Variants in RBMS1 observed in about 807,000 individuals in gnomAD.
The protein encoded by RBMS1 is RNA-binding motif, single-stranded-interacting protein 1.
RBMS1 carries 17 observed loss-of-function variants against 62.3 expected under a neutral mutation model. The observed-to-expected ratio is 0.27, with a 90% CI of 0.19 to 0.41. The LOEUF is 0.41. Among genes scored for constraint, RBMS1 ranks in the 10% least tolerant of loss-of-function variants. The pLI is 1.00. For synonymous variants in RBMS1, 172 were observed against 170.0 expected (o/e 1.01, Z -0.09); for missense variants, 334 against 504.5 (o/e 0.66, Z 3.24).
At chr2:160,304,330 G>A in intron 4 of RBMS1, among the ~76,000 whole-genome samples, 1 of 152,128 alleles carries the variant, frequency 6.6e-6, no homozygotes, top group Non-Finnish European at 1.5e-5. Context: ...GCTGCAAAAT[G>A]TTCTTGAAGT....
At chr2:160,374,790 T>G (rs1693906164) in intron 1 of RBMS1, among the ~76,000 whole-genome samples, 1 of 151,510 alleles carries the variant, frequency 6.6e-6, no homozygotes, top group South Asian at 2.1e-4. Context: ...ATTAGCCAGG[T>G]GTGGTGGTGG....
At chr2:160,322,571 G>C (rs1255114917) in intron 2 of RBMS1, among the ~76,000 whole-genome samples, 2 of 152,220 alleles carry the variant, frequency 1.3e-5, no homozygotes, top group Non-Finnish European at 2.9e-5. Context: ...ATCAGAAACG[G>C]ATTCCACTCT....
chr2:160,285,613 T>C (rs964285680), intron 7 of RBMS1, among the ~76,000 whole-genome samples: 1 of 151,876 alleles, frequency 6.6e-6, no homozygotes, highest in Non-Finnish European at 1.5e-5. Context: ...CGTCCAACAT[T>C]TTATTACGAA....
chr2:160,304,688 A>G (rs1689404220), intron 4 of RBMS1, among the ~76,000 whole-genome samples: 1 of 152,214 alleles, frequency 6.6e-6, no homozygotes, highest in African/African-American at 2.4e-5. Context: ...AATAGATTTT[A>G]AAATAGAACA....
intron 5 of RBMS1, among the ~76,000 whole-genome samples, chr2:160,303,039 T>C (rs1442300646): frequency 6.6e-6 from 1 of 152,210 alleles, no homozygotes; most frequent in African/African-American, 2.4e-5. Flanking sequence ...TTTAAAAAGT[T>C]AGAAGCATCC....
intron 2 of RBMS1, among the ~76,000 whole-genome samples, chr2:160,319,026 G>GA (rs1690393210): frequency 1.3e-5 from 2 of 151,694 alleles, no homozygotes; most frequent in Admixed American, 1.3e-4. Context: ...GGGAATATAG[G>GA]AAAAATTAAG....
intron 1 of RBMS1, among the ~76,000 whole-genome samples, chr2:160,447,656 C>CT (rs1683713373): frequency 6.6e-6 from 1 of 152,210 alleles, no homozygotes; most frequent in East Asian, 1.9e-4. Context: ...GAATATAGTG[C>CT]AGGACATTCC....
At chr2:160,391,202 T>A (rs1416057991) in intron 1 of RBMS1, among the ~76,000 whole-genome samples, 1 of 148,794 alleles carries the variant, frequency 6.7e-6, no homozygotes. Flanking sequence ...CCTAATCTAG[T>A]ATGACTGGTA....
chr2:160,333,595 G>A (rs1483402887), intron 2 of RBMS1, among the ~76,000 whole-genome samples: 1 of 152,138 alleles, frequency 6.6e-6, no homozygotes, highest in Non-Finnish European at 1.5e-5. Flanking sequence ...CAGAAGGAAG[G>A]CAGGGAATGG....
At chr2:160,369,615 A>G (rs943086740) in intron 1 of RBMS1, among the ~76,000 whole-genome samples, 1 of 152,208 alleles carries the variant, frequency 6.6e-6, no homozygotes, top group Non-Finnish European at 1.5e-5. Context: ...AGTAGGACCC[A>G]GTATGTTTAG....
At chr2:160,487,848 CT>C (rs1685659416) in intron 1 of RBMS1, among the ~76,000 whole-genome samples, 1 of 152,122 alleles carries the variant, frequency 6.6e-6, no homozygotes, top group Admixed American at 6.5e-5. Context: ...CTTTTCTCCC[CT>C]AGGAGGTTCA....
At chr2:160,378,294 A>G (rs548580774) in intron 1 of RBMS1, among the ~76,000 whole-genome samples, 107 of 152,270 alleles carry the variant, frequency 7.0e-4, no homozygotes, top group Middle Eastern at 3.4e-3. Context: ...ATTTACAAGA[A>G]GATACAAAAA....
At chr2:160,290,398 T>C (rs1458942558) in intron 6 of RBMS1, among the ~76,000 whole-genome samples, 4 of 152,112 alleles carry the variant, frequency 2.6e-5, no homozygotes. Context: ...ATATGCATGG[T>C]TACTTTTCCA....
At chr2:160,407,801 C>A in intron 1 of RBMS1, 1 of 981,294 alleles carries the variant, frequency 1.0e-6, no homozygotes, top group African/African-American at 1.8e-5. Context: ...GTGCCATGGA[C>A]GGGAGTTCGC....
intron 2 of RBMS1, among the ~76,000 whole-genome samples, chr2:160,352,890 A>G (rs1482329897): frequency 6.6e-6 from 1 of 152,140 alleles, no homozygotes; most frequent in Non-Finnish European, 1.5e-5. Context: ...TCTGACTTTT[A>G]TATCTATTAT....
rs565984738 is a variant in RBMS1 at position 160,280,847 on chromosome 2, G to A, written c.951+467C>T. On this transcript the variant is annotated intron_variant, in intron 10 of 13. Coordinates refer to ENST00000348849, the MANE Select transcript of RBMS1 (RefSeq NM_016836.4). ...AAATGTAATATATATGAATGCTCAC[G>A]TCATTAAGAAATCACATTTGTTATT... 1.6e-4 allele frequency among the ~76,000 whole-genome samples: 24 copies of A among 152,124 alleles called. No individual in the cohort carries two copies. In the East Asian group the frequency reaches 2.9e-3, roughly 18 times the overall value.
chr2:160,388,456 A>G (rs1158537839), intron 1 of RBMS1, among the ~76,000 whole-genome samples: 1 of 152,138 alleles, frequency 6.6e-6, no homozygotes, highest in Non-Finnish European at 1.5e-5. Flanking sequence ...AAGTCTTTGA[A>G]ATTCAGAGAC....
intron 2 of RBMS1, 122 bp from the exon 3 acceptor site, chr2:160,318,349 A>C (rs4456654): frequency 1.5e-6 from 2 of 1,355,616 alleles, no homozygotes; most frequent in Middle Eastern, 2.6e-4. Flanking sequence ...TGCAAACTTT[A>C]GAGTACAAAA....
In RBMS1 at chr2:160,370,750, T is replaced by C. The variant is rs565904226; in HGVS notation, c.76-3359A>G. Among the ~76,000 whole-genome samples, 33 of 152,380 alleles carry C rather than the reference T, an allele frequency of 2.2e-4. No individual in the cohort carries two copies. In the South Asian group the frequency reaches 6.6e-3, roughly 31 times the overall value. ...AATGCTCTATTTGTATTCTTTCATT[T>C]TCTGTGCCCATCATTTTTGCTGACT... On this transcript the variant is annotated intron_variant, in intron 1 of 13. Coordinates refer to ENST00000348849, the MANE Select transcript of RBMS1 (RefSeq NM_016836.4).
Sources: gnomAD v4.1 joint callset for allele counts (sites outside exome capture counted in the v4.1 genomes callset) on GRCh38, gnomAD v4.1.1 for gene constraint, MANE v1.5 for transcripts, NCBI Gene and HGNC (gene_info 2026-07-23, HGNC 2026-07-21) for gene names.